The following EPS8 variants were observed in gnomAD, a reference collection of about 807,000 sequenced individuals.
EPS8 encodes the protein epidermal growth factor receptor kinase substrate 8.
A neutral mutation model predicts 103.8 loss-of-function variants in EPS8; 42 were observed. The ratio of observed to expected loss-of-function variants is 0.40; its 90% CI spans 0.32 to 0.52. The LOEUF is 0.52. Among genes scored for constraint, EPS8 ranks in the 20% least tolerant of loss-of-function variants. The pLI is 0.40. For synonymous variants in EPS8, 344 were observed against 344.6 expected (o/e 1.00, Z 0.02); for missense variants, 969 against 1,005.1 (o/e 0.96, Z 0.49).
At chr12:15,686,034 T>G (rs1372991802) in intron 1 of EPS8, among the ~76,000 whole-genome samples, 2 of 152,130 alleles carry the variant, frequency 1.3e-5, no homozygotes, top group Non-Finnish European at 1.5e-5. Flanking sequence ...CCACCTACAG[T>G]TGGCTCCTGA....
intron 6 of EPS8, among the ~76,000 whole-genome samples, chr12:15,668,807 T>C (rs1299269410): frequency 6.6e-6 from 1 of 152,312 alleles, no homozygotes; most frequent in East Asian, 1.9e-4. Flanking sequence ...CAAAGCAAGA[T>C]TTCTGAACAA....
At chr12:15,689,719 A>C (rs1234824380) in intron 1 of EPS8, among the ~76,000 whole-genome samples, 1 of 152,194 alleles carries the variant, frequency 6.6e-6, no homozygotes, top group African/African-American at 2.4e-5. Context: ...GTGCTGTGCA[A>C]TTGGTCACCA....
chr12:15,689,364 C>T (rs2135909473), intron 1 of EPS8, among the ~76,000 whole-genome samples: 1 of 152,198 alleles, frequency 6.6e-6, no homozygotes, highest in Admixed American at 6.5e-5. Flanking sequence ...CATAACAGCA[C>T]CACATGCTAA....
intron 1 of EPS8, among the ~76,000 whole-genome samples, chr12:15,746,747 T>C (rs1946879448): frequency 1.3e-5 from 2 of 152,216 alleles, no homozygotes; most frequent in South Asian, 2.1e-4. Context: ...TTAGAAGAGC[T>C]CTGGAATCCC....
rs1946163445 is a variant in EPS8 at position 15,690,986 on chromosome 12, AAAAC to A, written c.-21-8018_-21-8015del. Among the ~76,000 whole-genome samples the A allele has an allele frequency of 6.6e-6, 1 of 152,136 alleles. No individual in the cohort carries two copies. The highest frequency in any genetic ancestry group is 2.4e-5 in the African/African-American group (1 of 41,410). On this transcript the variant is annotated intron_variant, in intron 1 of 20. Coordinates refer to ENST00000281172, the MANE Select transcript of EPS8 (RefSeq NM_004447.6). The surrounding 1 kb of genome is among the most constrained non-coding windows in gnomAD (Gnocchi z 4.7). ...TGTCTACACTTGGCTGAATATAAAAAAAACAAGCCAGATTGTCAGTAGGTAATCC... is the reference window on the plus strand; with the variant it reads ...TGTCTACACTTGGCTGAATATAAAAAAAGCCAGATTGTCAGTAGGTAATCC...
At chr12:15,763,186 T>G (rs989212097) in intron 1 of EPS8, among the ~76,000 whole-genome samples, 1 of 152,174 alleles carries the variant, frequency 6.6e-6, no homozygotes, top group African/African-American at 2.4e-5. Flanking sequence ...TGTTGTTGTT[T>G]TTTTTCCTAA....
intron 3 of EPS8, among the ~76,000 whole-genome samples, chr12:15,677,114 T>C (rs2135872133): frequency 6.6e-6 from 1 of 152,252 alleles, no homozygotes; most frequent in African/African-American, 2.4e-5. Context: ...GGAGGTAATA[T>C]CAAAATATTA....
chr12:15,768,586 G>A (rs949271729), intron 1 of EPS8, among the ~76,000 whole-genome samples: 5 of 151,920 alleles, frequency 3.3e-5, no homozygotes, highest in African/African-American at 1.2e-4. Flanking sequence ...ATTAAGTCAC[G>A]GAATTTTCAG....
rs1325165776 is a variant in EPS8, at chr12:15,695,747, G to T, written c.-21-12775C>A. On this transcript the variant is annotated intron_variant, in intron 1 of 20. Coordinates refer to ENST00000281172, the MANE Select transcript of EPS8 (RefSeq NM_004447.6). This position sits in a 1 kb window ranked among gnomAD's most constrained non-coding sequence, Gnocchi z 5.0. ...CCCAGCACTTTGGGAGGCCGAGGTG[G>T]GTGGATCACCTGAGGTCAGGAGTTT... Among the ~76,000 whole-genome samples, 1 of 152,090 alleles carries T rather than the reference G, an allele frequency of 6.6e-6. No homozygotes were observed. Among genetic ancestry groups the T allele is most frequent in the Admixed American group, 6.6e-5 (1 of 15,258 alleles).
intron 1 of EPS8, among the ~76,000 whole-genome samples, chr12:15,737,479 C>T (rs1946777778): frequency 1.3e-5 from 2 of 152,152 alleles, no homozygotes; most frequent in African/African-American, 2.4e-5. Flanking sequence ...CTAACATCTA[C>T]TGAGAGCTTA....
At chr12:15,671,593 T>G (rs1014944702) in intron 3 of EPS8, 25 of 152,098 alleles carry the variant, frequency 1.6e-4, no homozygotes, top group African/African-American at 5.3e-4. Context: ...AAAAGAAACC[T>G]TTAATTTTCT....
intron 8 of EPS8, chr12:15,665,449 A>C (rs1228287574): frequency 1.0e-5 from 3 of 292,646 alleles, no homozygotes; most frequent in Non-Finnish European, 1.9e-5. Context: ...TCCTGTCTCA[A>C]CCATCCCAGT....
At chr12:15,755,085 G>T (rs1381322362) in intron 1 of EPS8, among the ~76,000 whole-genome samples, 1 of 152,196 alleles carries the variant, frequency 6.6e-6, no homozygotes, top group African/African-American at 2.4e-5. Flanking sequence ...TGTCAGGAGA[G>T]AAGCTGAATA....
In EPS8 at chr12:15,748,308, T is replaced by C. The variant is rs1369402217; in HGVS notation, c.-22+40853A>G. 6.6e-6 allele frequency among the ~76,000 whole-genome samples: 1 copy of C among 152,232 alleles called. No individual in the cohort carries two copies. Among genetic ancestry groups the C allele is most frequent in the African/African-American group, 2.4e-5 (1 of 41,454 alleles). On this transcript the variant is annotated intron_variant, in intron 1 of 20. Transcript: ENST00000281172. This position sits in a 1 kb window ranked among gnomAD's most constrained non-coding sequence, Gnocchi z 4.8. ...TCAATTAAAATATTATGAAGTAATA[T>C]TCTTAAGTCAAATGCTCACCAATTT...
At chr12:15,664,536 C>A (rs1565487725) in intron 8 of EPS8, among the ~76,000 whole-genome samples, 2 of 152,180 alleles carry the variant, frequency 1.3e-5, no homozygotes, top group Non-Finnish European at 2.9e-5. Context: ...ATCCCCATTT[C>A]AGAGATGAGA....
chr12:15,771,649 T>C lies in EPS8; in HGVS notation c.-22+17512A>G, dbSNP rs1041109359. Among the ~76,000 whole-genome samples, 3 of 151,784 alleles carry C rather than the reference T, an allele frequency of 2.0e-5. No homozygotes were observed. Among genetic ancestry groups the C allele is most frequent in the East Asian group, 3.9e-4 (2 of 5,148 alleles). On this transcript the variant is annotated intron_variant, in intron 1 of 20. Transcript: ENST00000281172. The surrounding 1 kb of genome is among the most constrained non-coding windows in gnomAD (Gnocchi z 4.6). ...GGGGGTCATGGATGTGTTCTTCTAATGGGCTAGAAATTCTCCGTAGGATTG... is the reference window on the plus strand; with the variant it reads ...GGGGGTCATGGATGTGTTCTTCTAACGGGCTAGAAATTCTCCGTAGGATTG...
At position 15,761,710 on chromosome 12, in the gene EPS8, G is replaced by A. The variant is rs776754932; in HGVS notation, c.-22+27451C>T. Among the ~76,000 whole-genome samples the A allele has an allele frequency of 1.5e-4, 23 of 152,030 alleles. No individual in the cohort carries two copies. Among genetic ancestry groups the A allele is most frequent in the Non-Finnish European group, 2.9e-4 (20 of 67,994 alleles). ...AAAGACAGACTCTTCAATAAATGGC[G>A]CTGGGAAAACTGGATATCCATATCC... On this transcript the variant is annotated intron_variant, in intron 1 of 20. Transcript: ENST00000281172. This position sits in a 1 kb window ranked among gnomAD's most constrained non-coding sequence, Gnocchi z 4.5.
At chr12:15,712,953 G>A (rs909171642) in intron 1 of EPS8, 3 of 985,308 alleles carry the variant, frequency 3.0e-6, no homozygotes, top group Non-Finnish European at 3.6e-6. Flanking sequence ...TTGGCACAAC[G>A]TCAGAAAGGG....
rs1565543095 is a variant in EPS8, at chr12:15,784,596, AC to A, written c.-22+4564del. 6.6e-6 allele frequency among the ~76,000 whole-genome samples: 1 copy of A among 152,130 alleles called. No homozygotes were observed. The highest frequency in any genetic ancestry group is 6.5e-5 in the Admixed American group (1 of 15,272). On this transcript the variant is annotated intron_variant, in intron 1 of 20. Transcript: ENST00000281172. This position sits in a 1 kb window ranked among gnomAD's most constrained non-coding sequence, Gnocchi z 4.0. ...AGTTTGGCAATTTCTTACAAAGCTA[AC>A]CATAATCTTACCACAGGATCCAGCA...
Sources: gnomAD v4.1 joint callset for allele counts (sites outside exome capture counted in the v4.1 genomes callset) on GRCh38, gnomAD v4.1.1 for gene constraint, Gnocchi (gnomAD v3.1) non-coding constraint, MANE v1.5 for transcripts, NCBI Gene and HGNC (gene_info 2026-07-23, HGNC 2026-07-21) for gene names.